Variants in PRL observed in about 807,000 individuals in gnomAD.
The protein encoded by PRL is decidual prolactin.
A neutral mutation model predicts 21.3 loss-of-function variants in PRL; 24 were observed. The observed-to-expected ratio is 1.13, with a 90% CI of 0.82 to 1.59. The LOEUF (loss-of-function observed/expected upper bound fraction) is 1.59, where lower values mean the gene tolerates loss of function less well. Among genes scored for constraint, PRL ranks in the 40% most tolerant of loss-of-function variants. The probability of loss-of-function intolerance (pLI) is 0.00; values close to 1 mark genes in which losing one functional copy is unlikely to be tolerated. For synonymous variants in PRL, 118 were observed against 115.7 expected, an observed-to-expected ratio of 1.02 and a Z score of -0.13; for missense variants, 243 against 286.9, an observed-to-expected ratio of 0.85 and a Z score of 1.10.
chr6:22,290,692 G>T (rs1466798562), intron 3 of PRL, among the ~76,000 whole-genome samples: 3 of 152,084 alleles, frequency 2.0e-5, no homozygotes, highest in African/African-American at 7.2e-5. Context: ...TGTCCCTGGG[G>T]AGAAACTAAA....
At chr6:22,290,148 CAAAG>C (rs925730958) in intron 4 of PRL, 22 bp downstream of exon 4, 4 of 1,502,994 alleles carry the variant, frequency 2.7e-6, no homozygotes, top group Non-Finnish European at 2.7e-6. Flanking sequence ...ATGAGAAAAA[CAAAG>C]AAGCACCAGG....
At chr6:22,297,258 A>G (rs1021210631), upstream of PRL, 50 of 477,146 alleles carry the variant, frequency 1.0e-4, no homozygotes, top group African/African-American at 8.6e-4. Flanking sequence ...TTAGGCCAAA[A>G]GGAAATGAGA....
At position 22,288,402 on chromosome 6, in the gene PRL, G is replaced by C. The variant is rs148369487; in HGVS notation, c.493-809C>G. Among the ~76,000 whole-genome samples the C allele has an allele frequency of 6.6e-6, 1 of 152,178 alleles. No individual in the cohort carries two copies. Among genetic ancestry groups the C allele is most frequent in the East Asian group, 1.9e-4 (1 of 5,146 alleles). ...ATACAAAAATCAGCCGTGCCTATTG[G>C]TGCACGCCTGTTGTCCCAGCTACTT... On this transcript the variant is annotated intron_variant, in intron 4 of 4. Coordinates refer to ENST00000306482, the MANE Select transcript of PRL (RefSeq NM_000948.6). The surrounding 1 kb of genome is among the most constrained non-coding windows in gnomAD (Gnocchi z 4.5).
upstream of PRL, among the ~76,000 whole-genome samples, chr6:22,302,144 G>T (rs1343643599): frequency 3.9e-5 from 6 of 152,220 alleles, no homozygotes; most frequent in African/African-American, 1.4e-4. Flanking sequence ...AGAATCAATA[G>T]ATATAGTCAA....
upstream of PRL, among the ~76,000 whole-genome samples, chr6:22,301,580 C>G (rs1440104800): frequency 2.6e-5 from 4 of 152,250 alleles, no homozygotes; most frequent in African/African-American, 9.6e-5. Context: ...CACTATTACC[C>G]CTAACTTCCC....
Position 22,292,524 on chromosome 6 carries a change from G to C in PRL, c.312+14C>G. ...CTTGGTTGTTTTGGTGCAAAGCCTG[G>C]ATGAAGGACTCACATTCATCTGTTG... On this transcript the variant is annotated intron_variant, in intron 3 of 4. Coordinates refer to ENST00000306482, the MANE Select transcript of PRL (RefSeq NM_000948.6). 1 of 1,610,998 alleles carries C rather than the reference G, an allele frequency of 6.2e-7. No homozygotes were observed. The highest frequency in any genetic ancestry group is 8.5e-7 in the Non-Finnish European group (1 of 1,177,286).
intron 1 of PRL, among the ~76,000 whole-genome samples, chr6:22,295,362 G>A (rs953437613): frequency 6.6e-6 from 1 of 152,138 alleles, no homozygotes; most frequent in South Asian, 2.1e-4. Context: ...CAATACTGTG[G>A]TCTTTGCACG....
upstream of PRL, chr6:22,297,102 G>T: frequency 9.9e-7 from 1 of 1,015,180 alleles, no homozygotes; most frequent in Non-Finnish European, 1.5e-6. Flanking sequence ...AATGAATCAG[G>T]CATTCGTTTC....
chr6:22,291,253 AAGTG>A (rs140416482), intron 3 of PRL, among the ~76,000 whole-genome samples: 22,645 of 152,096 alleles, frequency 0.15, 1,732 homozygotes, highest in African/African-American at 0.19. Flanking sequence ...ACAGGTCATA[AAGTG>A]AGTGTCAGTG....
At chr6:22,298,959 C>T (rs1245193644), upstream of PRL, among the ~76,000 whole-genome samples, 1 of 152,154 alleles carries the variant, frequency 6.6e-6, no homozygotes, top group Non-Finnish European at 1.5e-5. Context: ...CAAAGAGGTA[C>T]AGGTTTCTCT....
At chr6:22,301,662 G>T (rs2113523575), upstream of PRL, among the ~76,000 whole-genome samples, 1 of 152,242 alleles carries the variant, frequency 6.6e-6, no homozygotes, top group East Asian at 1.9e-4. Context: ...CAGAGAAAAT[G>T]CTACCCTTCA....
chr6:22,301,867 A>T (rs1761287352), upstream of PRL, among the ~76,000 whole-genome samples: 1 of 152,178 alleles, frequency 6.6e-6, no homozygotes, highest in Admixed American at 6.5e-5. Context: ...GGACATATAA[A>T]TAAGAATTAA....
rs1761131971 is a variant in PRL, at chr6:22,294,486, G to C, written c.127C>G (p.Leu43Val). 1 of 1,614,086 alleles carries C rather than the reference G, an allele frequency of 6.2e-7. No individual in the cohort carries two copies. Among genetic ancestry groups the C allele is most frequent in the Non-Finnish European group, 8.5e-7 (1 of 1,180,046 alleles). ...ACGGCGCGGTCAAACAGGTCTCGAAGGGTCACCTGGCATCGGGCAGCCCCG... is the reference window on the plus strand; with the variant it reads ...ACGGCGCGGTCAAACAGGTCTCGAACGGTCACCTGGCATCGGGCAGCCCCG... ...PGGAARCQVT[L>V]RDLFDRAVVL... is the part of the protein sequence containing the mutation. The change falls in exon 2 of 5, where the codon CTT (leucine) becomes GTT (valine). Residue 43 changes from leucine (L) to valine (V), a missense_variant. Physicochemically the swap from Leu to Val is conservative, Grantham distance 32. Coordinates refer to ENST00000306482, the MANE Select transcript of PRL (RefSeq NM_000948.6).
At chr6:22,297,123 G>T (rs2113516913), upstream of PRL, 1 of 801,814 alleles carries the variant, frequency 1.2e-6, no homozygotes, top group Non-Finnish European at 2.0e-6. Context: ...CCTTTTCCTG[G>T]TCATCTATTT....
Position 22,294,531 on chromosome 6 carries a change from G to C in PRL, c.82C>G (p.Pro28Ala), listed in dbSNP as rs1197653244. 6.2e-7 allele frequency: 1 copy of C among 1,613,828 alleles called. No homozygotes were observed. Among genetic ancestry groups the C allele is most frequent in the Non-Finnish European group, 8.5e-7 (1 of 1,179,916 alleles). ...GCCCCGCCGGGACAGATGGGCAAGG[G>C]GGCCACGCTCTGGCACAGGAGCAGG... ...SNLLLCQSVA[P>A]LPICPGGAAR... The change falls in exon 2 of 5, where the codon CCC (proline) becomes GCC (alanine). Residue 28 changes from proline (P) to alanine (A), a missense_variant. Coordinates refer to ENST00000306482, the MANE Select transcript of PRL (RefSeq NM_000948.6).
intron 2 of PRL, among the ~76,000 whole-genome samples, chr6:22,294,045 G>A (rs970689898): frequency 5.3e-5 from 8 of 152,056 alleles, no homozygotes; most frequent in Non-Finnish European, 7.4e-5. Flanking sequence ...TATCTATTCC[G>A]TGCTAAGTAA....
intron 1 of PRL, among the ~76,000 whole-genome samples, chr6:22,295,749 AAAGAATGCCCAATAT>A (rs141379630): frequency 0.013 from 2,016 of 152,336 alleles, 41 homozygotes; most frequent in African/African-American, 0.045. Flanking sequence ...CATTACCCCA[AAAGAATGCCCAATAT>A]AAAACTGTGT....
upstream of PRL, among the ~76,000 whole-genome samples, chr6:22,301,781 A>T (rs1345195508): frequency 2.0e-5 from 3 of 151,988 alleles, no homozygotes; most frequent in African/African-American, 4.8e-5. Flanking sequence ...TTATTCATTC[A>T]TGTCTTATCA....
At chr6:22,289,632 G>A (rs553978078) in intron 4 of PRL, among the ~76,000 whole-genome samples, 36 of 152,218 alleles carry the variant, frequency 2.4e-4, no homozygotes, top group South Asian at 1.2e-3. Context: ...GTGCTTGTGG[G>A]ACCTCCTGAA....
Sources: allele counts gnomAD v4.1 joint callset (sites outside exome capture counted in the v4.1 genomes callset), GRCh38; gene constraint gnomAD v4.1.1; non-coding constraint Gnocchi (gnomAD v3.1); transcripts MANE v1.5; gene names NCBI Gene and HGNC (gene_info 2026-07-23, HGNC 2026-07-21).